The following SLC25A36 variants were observed in gnomAD, a reference collection of about 807,000 sequenced individuals.
SLC25A36 encodes epididymis secretory sperm binding protein.
Under a neutral mutation model 35.3 loss-of-function variants are expected in SLC25A36, and 24 were observed. The ratio of observed to expected loss-of-function variants is 0.68; its 90% CI spans 0.49 to 0.96. The LOEUF (loss-of-function observed/expected upper bound fraction) is 0.96, where lower values mean the gene tolerates loss of function less well. SLC25A36 is among the 40% of genes least tolerant of loss of function. The pLI, the probability that SLC25A36 is intolerant of heterozygous loss-of-function variation, is 0.00. For missense variants in SLC25A36, 294 were observed against 381.1 expected, an observed-to-expected ratio of 0.77 and a Z score of 1.90; for synonymous variants, 141 against 132.2, an observed-to-expected ratio of 1.07 and a Z score of -0.46.
Position 140,973,812 on chromosome 3 carries a change from A to G in SLC25A36, c.549A>G (p.Ser183=). 6.2e-7 allele frequency: 1 copy of G among 1,613,480 alleles called. No individual in the cohort carries two copies. Among genetic ancestry groups the G allele is most frequent in the South Asian group, 1.1e-5 (1 of 91,032 alleles). ...LKGFYRGMSA[S]YAGISETVIH... is the part of the protein sequence containing the mutation. ...GATTTTATAGGGGCATGTCTGCTTC[A>G]TATGCTGGTATATCAGAGACTGTTA... Residue 183 remains serine (S), a synonymous_variant, in exon 6 of 7, where the codon TCA becomes TCG. Transcript: ENST00000324194.
chr3:140,972,644 T>C (rs959313189), intron 5 of SLC25A36: 3 of 151,832 alleles, frequency 2.0e-5, no homozygotes, highest in African/African-American at 7.3e-5. Flanking sequence ...AGAAAAAAAT[T>C]AATAAAAAAA....
chr3:140,953,519 A>G (rs1934386658), intron 1 of SLC25A36, among the ~76,000 whole-genome samples: 1 of 152,188 alleles, frequency 6.6e-6, no homozygotes, highest in South Asian at 2.1e-4. Flanking sequence ...TAGTTCATAT[A>G]TTAAGAATTC....
intron 4 of SLC25A36, among the ~76,000 whole-genome samples, chr3:140,969,386 C>T (rs537008645): frequency 2.4e-4 from 37 of 151,892 alleles, no homozygotes; most frequent in African/African-American, 4.1e-4. Flanking sequence ...CCTGCTGATG[C>T]GTCTAAAACT....
intron 4 of SLC25A36, chr3:140,970,633 T>A (rs146955677): frequency 6.2e-4 from 110 of 178,648 alleles, no homozygotes; most frequent in African/African-American, 2.5e-3. Context: ...GATTTCTGAA[T>A]TCAGCTTAGA....
chr3:140,945,650 A>G (rs796336209), intron 1 of SLC25A36, among the ~76,000 whole-genome samples: 19 of 151,886 alleles, frequency 1.3e-4, no homozygotes, highest in African/African-American at 4.3e-4. Context: ...TGCAAAAGCA[A>G]TGATGGGTAA....
In SLC25A36 at chr3:140,976,502, G is replaced by A; in HGVS notation, c.*49G>A. 1.3e-6 allele frequency: 2 copies of A among 1,498,594 alleles called. No homozygotes were observed. The highest frequency in any genetic ancestry group is 1.8e-6 in the Non-Finnish European group (2 of 1,111,146). The allele number at this position is 1,498,594 out of a possible 1,614,324, so 92.8% of individuals were successfully genotyped here. A position where few individuals can be genotyped will look rare whatever the true frequency, so the allele number is the denominator to read the frequency against. The stretch of plus-strand genomic sequence containing the variant: ...AAAAAAAGAAGACCAAAAGATTACA[G>A]TGGACCATGGGATACAGAAGCCAGC... On this transcript the variant is annotated 3_prime_UTR_variant, in exon 7 of 7. Transcript: ENST00000324194.
intron 6 of SLC25A36, among the ~76,000 whole-genome samples, chr3:140,975,711 T>A (rs1030023599): frequency 2.4e-4 from 37 of 152,206 alleles, no homozygotes; most frequent in African/African-American, 8.0e-4. Flanking sequence ...CTTAAAAATT[T>A]ATTATTTTTG....
chr3:140,953,779 A>T (rs965453596), intron 1 of SLC25A36, among the ~76,000 whole-genome samples: 2 of 152,174 alleles, frequency 1.3e-5, no homozygotes, highest in African/African-American at 4.8e-5. Context: ...CAACATAGCA[A>T]GACCCTGTCT....
chr3:140,962,373 G>A (rs1258946192), intron 3 of SLC25A36, among the ~76,000 whole-genome samples: 1 of 152,144 alleles, frequency 6.6e-6, no homozygotes, highest in African/African-American at 2.4e-5. Context: ...CAAAGCATGG[G>A]AAGTTAACAT....
chr3:140,958,099 G>T (rs1934523057), intron 2 of SLC25A36, among the ~76,000 whole-genome samples: 1 of 152,086 alleles, frequency 6.6e-6, no homozygotes, highest in Non-Finnish European at 1.5e-5. Flanking sequence ...GGGTCGTAGG[G>T]TTATCCATTA....
At chr3:140,947,841 A>T (rs1934208027) in intron 1 of SLC25A36, among the ~76,000 whole-genome samples, 1 of 152,260 alleles carries the variant, frequency 6.6e-6, no homozygotes, top group Admixed American at 6.5e-5. Flanking sequence ...TTGTCTAAAC[A>T]CTAAAGCTTC....
At chr3:140,961,112 G>A (rs766033463) in intron 3 of SLC25A36, among the ~76,000 whole-genome samples, 11 of 151,798 alleles carry the variant, frequency 7.2e-5, no homozygotes, top group Admixed American at 3.9e-4. Flanking sequence ...TATTTATTAC[G>A]TTTCAACTTT....
chr3:140,963,278 C>T (rs1934676956), intron 4 of SLC25A36, 51 bp downstream of exon 4: 3 of 1,083,398 alleles, frequency 2.8e-6, no homozygotes, highest in Middle Eastern at 2.4e-4. Context: ...AACCTAGAGG[C>T]TTAATATTGA....
At position 140,947,943 on chromosome 3, in the gene SLC25A36, G is replaced by A. The variant is rs61013505; in HGVS notation, c.41+5848G>A. 8.6e-3 allele frequency among the ~76,000 whole-genome samples: 1,302 copies of A among 150,672 alleles called. 29 individuals are homozygous for A. Among genetic ancestry groups the A allele is most frequent in the African/African-American group, 0.03 (1,211 of 40,754 alleles). ...GTATAGAATTTCAGGGAGAGTCTAC[G>A]TGGTTTTTTTAATTATTATTATTTT... On this transcript the variant is annotated intron_variant, in intron 1 of 6. Coordinates refer to ENST00000324194, the MANE Select transcript of SLC25A36 (RefSeq NM_001104647.3).
In SLC25A36 at chr3:140,973,706, TGC is replaced by T. The variant is rs1237521938; in HGVS notation, c.453-9_453-8del. ...AACCTATCAGTAAGATGTTTCTTTT[TGC>T]TTTTCAGGAACCGCGGGGAAAGGCG... On this transcript the variant is annotated splice_polypyrimidine_tract_variant and splice_region_variant and intron_variant, in intron 5 of 6. Coordinates refer to ENST00000324194, the MANE Select transcript of SLC25A36 (RefSeq NM_001104647.3). The T allele has an allele frequency of 2.1e-6, 3 of 1,442,630 alleles. No homozygotes were observed. Among genetic ancestry groups the T allele is most frequent in the African/African-American group, 2.8e-5 (2 of 70,580 alleles). The allele number at this position is 1,442,630 out of a possible 1,614,324, so 89.4% of individuals were successfully genotyped here. A position where few individuals can be genotyped will look rare whatever the true frequency, so the allele number is the denominator to read the frequency against.
chr3:140,961,144 T>G (rs1934616693), intron 3 of SLC25A36, among the ~76,000 whole-genome samples: 1 of 152,130 alleles, frequency 6.6e-6, no homozygotes, highest in Admixed American at 6.5e-5. Context: ...TTTCTCTCTT[T>G]AAGAAAATAT....
At chr3:140,972,971 G>GT (rs1281623859) in intron 5 of SLC25A36, 1 of 152,126 alleles carries the variant, frequency 6.6e-6, no homozygotes, top group Non-Finnish European at 1.5e-5. Context: ...TCAGTGTAAG[G>GT]TAACAAATAT....
Position 140,941,902 on chromosome 3 carries a change from G to C in SLC25A36, c.-153G>C, listed in dbSNP as rs1245464311. 1.3e-5 allele frequency: 7 copies of C among 534,968 alleles called. No individual in the cohort carries two copies. Among genetic ancestry groups the C allele is most frequent in the Non-Finnish European group, 2.3e-5 (7 of 301,632 alleles). 33.1% of individuals were successfully genotyped at this position (534,968 alleles called of 1,614,324 possible). On this transcript the variant is annotated 5_prime_UTR_variant, in exon 1 of 7. Transcript: ENST00000324194. ...CGGCTGGAGTGCCGCGGGGAGGGCT[G>C]TGCCGGTTGCTTTCTGCAGCCGCAT... is the stretch of plus-strand genomic sequence containing the variant.
intron 4 of SLC25A36, 112 bp downstream of exon 4, chr3:140,963,339 A>G (rs1356008900): frequency 8.6e-6 from 6 of 700,370 alleles, no homozygotes; most frequent in Non-Finnish European, 1.4e-5. Context: ...TTCATTGATT[A>G]GATGATTTTT....
Sources: allele counts gnomAD v4.1 joint callset (sites outside exome capture counted in the v4.1 genomes callset), GRCh38; gene constraint gnomAD v4.1.1; transcripts MANE v1.5; gene names NCBI Gene and HGNC (gene_info 2026-07-23, HGNC 2026-07-21).